Variants in DGCR2 observed in about 807,000 individuals in gnomAD.
The protein encoded by DGCR2 is DiGeorge syndrome critical region gene 2.
In DGCR2, 24 loss-of-function variants were observed where a neutral mutation model predicts 51.6. The observed-to-expected ratio is 0.47, with a 90% CI of 0.34 to 0.65. The LOEUF (loss-of-function observed/expected upper bound fraction) is 0.65, where lower values mean the gene tolerates loss of function less well. Ranked by LOEUF, DGCR2 falls within the 30% of genes least tolerant of loss-of-function variation. DGCR2 has a pLI of 0.01. For synonymous variants in DGCR2, 340 were observed against 315.4 expected, an observed-to-expected ratio of 1.08 and a Z score of -0.82; for missense variants, 765 against 772.1, an observed-to-expected ratio of 0.99 and a Z score of 0.11.
intron 1 of DGCR2, among the ~76,000 whole-genome samples, chr22:19,099,505 C>A (rs1415359967): frequency 4.6e-5 from 7 of 152,050 alleles, no homozygotes. Flanking sequence ...ATCACCTCAG[C>A]CTGAGAAGTC....
Position 19,089,386 on chromosome 22 carries a change from C to T in DGCR2, c.184G>A (p.Asp62Asn), listed in dbSNP as rs1431803370. The change falls in exon 2 of 10, where the codon GAC becomes AAC. Residue 62 changes from aspartate to asparagine, a missense_variant. Physicochemically the swap from Asp to Asn is conservative, Grantham distance 23 (BLOSUM62 1). This residue lies in a region of DGCR2 where 370 missense variants were observed against 325.5 expected (regional missense o/e 1.14). Transcript: ENST00000263196. ...DGWATCEDES[D>N]EANCPEVTGE... ...CACTCACCTGGACAGTTGGCTTCGTCGCTCTCATCCTCGCAAGTCGCCCAG... is the reference window on the plus strand; with the variant it reads ...CACTCACCTGGACAGTTGGCTTCGTTGCTCTCATCCTCGCAAGTCGCCCAG... 5 of 1,608,978 alleles carry T rather than the reference C, an allele frequency of 3.1e-6. No homozygotes were observed. The highest frequency in any genetic ancestry group is 2.2e-5 in the South Asian group (2 of 90,202).
intron 8 of DGCR2, 44 bp from the exon 9 acceptor site, chr22:19,041,338 G>T: frequency 6.3e-7 from 1 of 1,588,244 alleles, no homozygotes; most frequent in Non-Finnish European, 8.6e-7. Context: ...ACAAGTCACT[G>T]GGGGCAGGCT....
intron 9 of DGCR2, among the ~76,000 whole-genome samples, chr22:19,040,291 G>A (rs562915320): frequency 1.4e-4 from 21 of 152,344 alleles, no homozygotes; most frequent in African/African-American, 4.3e-4. Flanking sequence ...CTAAACAAAC[G>A]AACAGGACTG....
chr22:19,088,381 A>T (rs1389666216), intron 2 of DGCR2, among the ~76,000 whole-genome samples: 1 of 152,206 alleles, frequency 6.6e-6, no homozygotes, highest in Admixed American at 6.5e-5. Flanking sequence ...TCTGAGCTAC[A>T]CCTTGAAGGA....
At chr22:19,043,822 C>G (rs2082459525) in intron 7 of DGCR2, among the ~76,000 whole-genome samples, 1 of 152,240 alleles carries the variant, frequency 6.6e-6, no homozygotes, top group South Asian at 2.1e-4. Flanking sequence ...ATGGCAGCGC[C>G]AGCTCCTGTC....
chr22:19,114,571 G>A (rs1188605995), intron 1 of DGCR2, among the ~76,000 whole-genome samples: 3 of 152,304 alleles, frequency 2.0e-5, no homozygotes, highest in Non-Finnish European at 2.9e-5. Flanking sequence ...TCTACCTGGA[G>A]GCCCTAAGAA....
chr22:19,052,414 TCA>T (rs34670843), intron 6 of DGCR2, among the ~76,000 whole-genome samples: 1,756 of 148,522 alleles, frequency 0.012, 20 homozygotes, highest in Non-Finnish European at 0.016. Flanking sequence ...AGACTCTGTC[TCA>T]CACACACACA....
At chr22:19,066,892 C>T (rs559423407) in intron 3 of DGCR2, among the ~76,000 whole-genome samples, 1 of 152,326 alleles carries the variant, frequency 6.6e-6, no homozygotes, top group South Asian at 2.1e-4. Context: ...TGTGAACTGC[C>T]CCTTCCCTAC....
intron 1 of DGCR2, among the ~76,000 whole-genome samples, chr22:19,105,739 T>C (rs779282797): frequency 2.0e-5 from 3 of 152,000 alleles, no homozygotes; most frequent in Non-Finnish European, 4.4e-5. Context: ...AGGGCAGAGC[T>C]AGGAAGTGAG....
chr22:19,119,376 A>C (rs1446651718), intron 1 of DGCR2, among the ~76,000 whole-genome samples: 1 of 152,180 alleles, frequency 6.6e-6, no homozygotes, highest in Non-Finnish European at 1.5e-5. Context: ...TTGAGAGTTA[A>C]CATATGTTAG....
chr22:19,106,330 G>C (rs924794781), intron 1 of DGCR2, among the ~76,000 whole-genome samples: 1 of 152,202 alleles, frequency 6.6e-6, no homozygotes, highest in South Asian at 2.1e-4. Context: ...TAAATGCTCT[G>C]AGAGGGACCC....
intron 1 of DGCR2, among the ~76,000 whole-genome samples, chr22:19,112,094 G>A (rs1180419916): frequency 2.6e-5 from 4 of 151,914 alleles, no homozygotes; most frequent in African/African-American, 9.7e-5. Context: ...CCATCATGGC[G>A]AAACCCCATC....
intron 5 of DGCR2, among the ~76,000 whole-genome samples, chr22:19,062,775 G>GCTGTCTCTCTCTCTCT (rs2082686000): frequency 9.2e-6 from 1 of 108,860 alleles, no homozygotes; most frequent in African/African-American, 3.6e-5. Flanking sequence ...ACACATGCAT[G>GCTGTCTCTCTCTCTCT]CTCACTCTCT....
chr22:19,051,650 C>G (rs552989810), intron 6 of DGCR2, among the ~76,000 whole-genome samples: 7 of 152,294 alleles, frequency 4.6e-5, no homozygotes, highest in African/African-American at 1.7e-4. Context: ...TGCCTGAGCC[C>G]GGGAGCTGGA....
chr22:19,063,378 G>A lies in DGCR2; in HGVS notation c.549-100C>T, dbSNP rs148367828. 4,353 of 1,127,766 alleles carry A rather than the reference G, an allele frequency of 3.9e-3. 120 individuals are homozygous for A. The African/African-American group carries it at 0.059, about 15-fold the overall frequency. The allele number at this position is 1,127,766 out of a possible 1,614,324, so 69.9% of individuals were successfully genotyped here. ...GTTTTTTGAGACAGAGTCTCGCTCT[G>A]TCACCAGGATGGAGTGCAGTGGTGC... On this transcript the variant is annotated intron_variant, in intron 4 of 9. Coordinates refer to ENST00000263196, the MANE Select transcript of DGCR2 (RefSeq NM_005137.3).
chr22:19,052,681 T>G (rs974101267), intron 6 of DGCR2, among the ~76,000 whole-genome samples: 2 of 151,482 alleles, frequency 1.3e-5, no homozygotes, highest in African/African-American at 2.4e-5. Flanking sequence ...CTCGGGAGGC[T>G]GAGGTGGGAG....
intron 2 of DGCR2, among the ~76,000 whole-genome samples, chr22:19,086,694 G>C (rs943498906): frequency 3.3e-5 from 5 of 152,012 alleles, no homozygotes; most frequent in Non-Finnish European, 7.4e-5. Context: ...CTCAGCCCTG[G>C]TGCAGGCCAC....
At chr22:19,078,953 G>A (rs532603921) in intron 2 of DGCR2, among the ~76,000 whole-genome samples, 2 of 152,092 alleles carry the variant, frequency 1.3e-5, no homozygotes, top group Non-Finnish European at 2.9e-5. Context: ...ATGTGGTTCA[G>A]GACTTTTCTT....
chr22:19,068,652 C>T (rs968015356), intron 2 of DGCR2, among the ~76,000 whole-genome samples: 1 of 152,228 alleles, frequency 6.6e-6, no homozygotes, highest in African/African-American at 2.4e-5. Flanking sequence ...AGGAGACCCA[C>T]GTGTGCAACC....
Sources: allele counts gnomAD v4.1 joint callset (sites outside exome capture counted in the v4.1 genomes callset), GRCh38; gene constraint gnomAD v4.1.1; regional missense constraint gnomAD v4.1.1; transcripts MANE v1.5; gene names NCBI Gene and HGNC (gene_info 2026-07-23, HGNC 2026-07-21).